Variants in ZSCAN5A observed in about 807,000 individuals in gnomAD.
ZSCAN5A encodes the protein zinc finger and SCAN domain-containing protein 5A.
In ZSCAN5A, 12 loss-of-function variants were observed where a neutral mutation model predicts 23.7. The ratio of observed to expected loss-of-function variants is 0.51; its 90% CI spans 0.32 to 0.82. ZSCAN5A has a LOEUF of 0.82. ZSCAN5A is among the 40% of genes least tolerant of loss of function. The probability of loss-of-function intolerance (pLI) is 0.03; values close to 1 mark genes in which losing one functional copy is unlikely to be tolerated. For missense variants in ZSCAN5A, 597 were observed against 617.9 expected (o/e 0.97, Z 0.36); for synonymous variants, 257 against 239.9 (o/e 1.07, Z -0.66).
At chr19:56,324,614 T>C (rs996180722) in intron 2 of ZSCAN5A, among the ~76,000 whole-genome samples, 4 of 141,234 alleles carry the variant, frequency 2.8e-5, no homozygotes, top group Non-Finnish European at 6.0e-5. Context: ...CCCATGTGAC[T>C]GGCATTCCCA....
At chr19:56,228,348 C>A (rs1431072373) in intron 2 of ZSCAN5A, 6 of 985,336 alleles carry the variant, frequency 6.1e-6, no homozygotes, top group Non-Finnish European at 7.2e-6. Flanking sequence ...AAGCGGGACT[C>A]CAGGCCGCGT....
chr19:56,272,130 G>T (rs1480720475), intron 2 of ZSCAN5A, among the ~76,000 whole-genome samples: 2 of 152,334 alleles, frequency 1.3e-5, no homozygotes, highest in East Asian at 3.9e-4. Context: ...GTAAGTGCTA[G>T]AGGTAAGTAT....
At chr19:56,302,964 T>C in intron 2 of ZSCAN5A, 1 of 396,494 alleles carries the variant, frequency 2.5e-6, no homozygotes. Flanking sequence ...GATCACCGAG[T>C]GGTAGCACTT....
chr19:56,333,151 C>G (rs535323329), intron 2 of ZSCAN5A, among the ~76,000 whole-genome samples: 1 of 151,522 alleles, frequency 6.6e-6, no homozygotes, highest in African/African-American at 2.4e-5. Context: ...ATGTCTGTTT[C>G]GTATAGTATC....
intron 2 of ZSCAN5A, chr19:56,228,327 T>C (rs2034156434): frequency 1.5e-5 from 15 of 985,210 alleles, no homozygotes; most frequent in Non-Finnish European, 1.8e-5. Context: ...GAACTGCGTC[T>C]ATTTATGGAG....
chr19:56,259,273 G>A (rs1268187963), intron 2 of ZSCAN5A, among the ~76,000 whole-genome samples: 1 of 152,016 alleles, frequency 6.6e-6, no homozygotes, highest in South Asian at 2.1e-4. Context: ...TGAGCAACAT[G>A]GTAGAACCAT....
chr19:56,250,968 G>A (rs1305375840), intron 2 of ZSCAN5A, among the ~76,000 whole-genome samples: 1 of 152,116 alleles, frequency 6.6e-6, no homozygotes, highest in Non-Finnish European at 1.5e-5. Context: ...GGCTAACACA[G>A]TGAAATCCTG....
intron 2 of ZSCAN5A, among the ~76,000 whole-genome samples, chr19:56,234,635 T>G (rs1211665461): frequency 6.6e-6 from 1 of 152,212 alleles, no homozygotes; most frequent in East Asian, 1.9e-4. Context: ...ATTCATAGAT[T>G]CCAGACATTG....
intron 5 of ZSCAN5A, 52 bp downstream of exon 5, chr19:56,222,539 G>A (rs533578108): frequency 1.3e-5 from 21 of 1,594,656 alleles, no homozygotes; most frequent in East Asian, 4.5e-5. Context: ...CCCCAGCCCC[G>A]CACCCCAGAA....
At chr19:56,323,560 G>C (rs2041402709) in intron 2 of ZSCAN5A, among the ~76,000 whole-genome samples, 1 of 143,272 alleles carries the variant, frequency 7.0e-6, no homozygotes, top group African/African-American at 2.6e-5. Flanking sequence ...TTTTGAGACA[G>C]CGTTTCACTC....
intron 2 of ZSCAN5A, chr19:56,247,172 C>T (rs760705885): frequency 4.4e-5 from 27 of 609,576 alleles, no homozygotes; most frequent in East Asian, 1.1e-4. Flanking sequence ...AGGTGCTTCA[C>T]GCAGCTCTCA....
intron 2 of ZSCAN5A, among the ~76,000 whole-genome samples, chr19:56,233,913 C>T (rs1011507728): frequency 6.6e-6 from 1 of 152,050 alleles, no homozygotes; most frequent in African/African-American, 2.4e-5. Flanking sequence ...GAAAAGGAAC[C>T]CGGGCCAGGC....
chr19:56,292,673 A>G (rs190274505), intron 2 of ZSCAN5A, among the ~76,000 whole-genome samples: 12 of 151,908 alleles, frequency 7.9e-5, no homozygotes, highest in African/African-American at 2.9e-4. Flanking sequence ...GAACTTTATA[A>G]TCACTGCCCC....
chr19:56,318,136 AGAGTTGTGTGTGT>A (rs1165469449), upstream of ZSCAN5A: 1 of 151,798 alleles, frequency 6.6e-6, no homozygotes, highest in Non-Finnish European at 1.5e-5. Context: ...TGTGTGTGTG[AGAGTTGTGTGTGT>A]GAGTTGTGTG....
At chr19:56,228,363 G>C in intron 2 of ZSCAN5A, 1 of 985,318 alleles carries the variant, frequency 1.0e-6, no homozygotes. Context: ...CCGCGTTTCC[G>C]GTTCCCTGCG....
intron 2 of ZSCAN5A, among the ~76,000 whole-genome samples, chr19:56,279,299 C>T (rs1404072720): frequency 1.3e-5 from 2 of 151,998 alleles, no homozygotes; most frequent in Admixed American, 1.3e-4. Flanking sequence ...TCCACCCCTA[C>T]TAGACTGCAA....
rs563289501 is a variant in ZSCAN5A at position 56,311,376 on chromosome 19, T to A, written c.-128+1907A>T. 7.2e-5 allele frequency among the ~76,000 whole-genome samples: 11 copies of A among 152,244 alleles called. No homozygotes were observed. In the South Asian group the frequency reaches 2.1e-3, roughly 29 times the overall value. On this transcript the variant is annotated intron_variant, in intron 2 of 5. Coordinates refer to ENST00000683990, the MANE Select transcript of ZSCAN5A (RefSeq NM_001322064.3). ...GATGCACTCATATTTTCCTCATTTA[T>A]GTTAAATGTAATTGCATTACATAAT...
chr19:56,222,860 G>A (rs572047200), intron 4 of ZSCAN5A, 119 bp from the exon 5 acceptor site: 51 of 1,401,940 alleles, frequency 3.6e-5, no homozygotes, highest in Admixed American at 1.0e-4. Flanking sequence ...GTGGAAATAC[G>A]TGCAGACTTC....
intron 2 of ZSCAN5A, among the ~76,000 whole-genome samples, chr19:56,300,984 A>C (rs941702781): frequency 1.3e-5 from 2 of 152,104 alleles, no homozygotes; most frequent in Non-Finnish European, 2.9e-5. Context: ...TGAGAAAGAG[A>C]AAGGATGGCG....
Sources: allele counts gnomAD v4.1 joint callset (sites outside exome capture counted in the v4.1 genomes callset), GRCh38; gene constraint gnomAD v4.1.1; transcripts MANE v1.5; gene names NCBI Gene and HGNC (gene_info 2026-07-23, HGNC 2026-07-21).